Variants in SEMA5A observed in about 807,000 individuals in gnomAD.
The protein encoded by SEMA5A is semaphorin-5A.
A neutral mutation model predicts 135.5 loss-of-function variants in SEMA5A; 55 were observed. The observed-to-expected ratio is 0.41, with a 90% confidence interval of 0.33 to 0.51. SEMA5A has a LOEUF of 0.51. Among genes scored for constraint, SEMA5A ranks in the 20% least tolerant of loss-of-function variants. The probability of loss-of-function intolerance (pLI) is 0.37; values close to 1 mark genes in which losing one functional copy is unlikely to be tolerated. For synonymous variants in SEMA5A, 580 were observed against 546.5 expected (o/e 1.06, Z -0.85); for missense variants, 1,290 against 1,419.9 (o/e 0.91, Z 1.47).
intron 3 of SEMA5A, among the ~76,000 whole-genome samples, chr5:9,347,475 T>C (rs183007098): frequency 3.3e-5 from 5 of 152,338 alleles, no homozygotes; most frequent in Admixed American, 3.3e-4. Flanking sequence ...AGCTCCTTTT[T>C]ACTCGATGAG....
intron 9 of SEMA5A, among the ~76,000 whole-genome samples, chr5:9,197,671 C>T (rs1398415692): frequency 1.3e-5 from 2 of 151,292 alleles, no homozygotes; most frequent in African/African-American, 4.9e-5. Flanking sequence ...CAGCCTCATG[C>T]AGTTCCCTTC....
chr5:9,458,767 C>T (rs3822803), intron 1 of SEMA5A, among the ~76,000 whole-genome samples: 52 of 152,082 alleles, frequency 3.4e-4, no homozygotes, highest in African/African-American at 1.0e-3. Flanking sequence ...CCTCGGAACA[C>T]GTATGAGCAT....
chr5:9,083,074 C>T (rs959610144), intron 16 of SEMA5A, among the ~76,000 whole-genome samples: 38 of 152,094 alleles, frequency 2.5e-4, no homozygotes, highest in Non-Finnish European at 3.4e-4. Flanking sequence ...GTAGTAGAAA[C>T]ATTTATTTAA....
At chr5:9,480,962 T>C (rs1051042783) in intron 1 of SEMA5A, among the ~76,000 whole-genome samples, 1 of 152,106 alleles carries the variant, frequency 6.6e-6, no homozygotes, top group Non-Finnish European at 1.5e-5. Context: ...TTTGGTTTTT[T>C]TGAGATAGAG....
intron 1 of SEMA5A, among the ~76,000 whole-genome samples, chr5:9,533,935 C>T (rs1309417175): frequency 6.6e-6 from 1 of 152,100 alleles, no homozygotes; most frequent in African/African-American, 2.4e-5. Context: ...TCAAGCAAAA[C>T]CGCAAACCAG....
At chr5:9,199,770 T>C (rs1157519630) in intron 9 of SEMA5A, among the ~76,000 whole-genome samples, 1 of 152,224 alleles carries the variant, frequency 6.6e-6, no homozygotes, top group East Asian at 1.9e-4. Context: ...ACTACAATGG[T>C]AAGCCACCAT....
Position 9,291,257 on chromosome 5 carries a change from G to T in SEMA5A, c.270+27115C>A, listed in dbSNP as rs575085126. Among the ~76,000 whole-genome samples the T allele has an allele frequency of 4.7e-4, 71 of 152,276 alleles. No individual in the cohort carries two copies. In the Middle Eastern group the frequency reaches 0.014, roughly 29 times the overall value. On this transcript the variant is annotated intron_variant, in intron 5 of 22. Transcript: ENST00000382496. ...ACAAGTTCTGGATGCGGCAGATTTT[G>T]CACTTCGCGGATGGTCCCAGCAGCA...
intron 16 of SEMA5A, among the ~76,000 whole-genome samples, chr5:9,076,148 T>C (rs1342975253): frequency 7.3e-6 from 1 of 137,012 alleles, no homozygotes; most frequent in Non-Finnish European, 1.5e-5. Flanking sequence ...GAGATTGCAG[T>C]AAGCCGAGAT....
intron 5 of SEMA5A, among the ~76,000 whole-genome samples, chr5:9,312,251 G>A: frequency 6.6e-6 from 1 of 151,414 alleles, no homozygotes; most frequent in East Asian, 1.9e-4. Context: ...TATGACATGA[G>A]GTAAAAGAAA....
chr5:9,309,146 G>A (rs1383187342), intron 5 of SEMA5A, among the ~76,000 whole-genome samples: 3 of 152,088 alleles, frequency 2.0e-5, no homozygotes, highest in Non-Finnish European at 4.4e-5. Flanking sequence ...CTTCCTGGCT[G>A]TCCTCTCCAA....
At chr5:9,537,271 T>C (rs936595575) in intron 1 of SEMA5A, among the ~76,000 whole-genome samples, 5 of 152,240 alleles carry the variant, frequency 3.3e-5, no homozygotes, top group African/African-American at 1.2e-4. Flanking sequence ...TTAATCCTTC[T>C]GTTTCAAAAC....
chr5:9,293,126 T>A (rs770759459), intron 5 of SEMA5A, among the ~76,000 whole-genome samples: 1 of 152,206 alleles, frequency 6.6e-6, no homozygotes, highest in Non-Finnish European at 1.5e-5. Flanking sequence ...CTACCACTGT[T>A]CATTTTTCAG....
chr5:9,081,003 G>C (rs566780451), intron 16 of SEMA5A, among the ~76,000 whole-genome samples: 2 of 152,232 alleles, frequency 1.3e-5, no homozygotes, highest in South Asian at 4.1e-4. Context: ...CAACCTCCTC[G>C]TACCTTACTA....
At chr5:9,384,448 C>G (rs1240273689) in intron 2 of SEMA5A, among the ~76,000 whole-genome samples, 1 of 151,974 alleles carries the variant, frequency 6.6e-6, no homozygotes, top group Non-Finnish European at 1.5e-5. Flanking sequence ...GCTAGTAACA[C>G]CCCCTCCCAC....
chr5:9,454,244 AC>A (rs1175897092), intron 1 of SEMA5A, among the ~76,000 whole-genome samples: 1 of 152,202 alleles, frequency 6.6e-6, no homozygotes, highest in African/African-American at 2.4e-5. Flanking sequence ...GGGACTCTTT[AC>A]TGCTCTCATT....
At chr5:9,533,234 C>T (rs1348036944) in intron 1 of SEMA5A, among the ~76,000 whole-genome samples, 3 of 152,098 alleles carry the variant, frequency 2.0e-5, no homozygotes, top group African/African-American at 4.8e-5. Flanking sequence ...TAAAAATAGC[C>T]CAGCTACCCC....
chr5:9,400,748 C>T lies in SEMA5A; in HGVS notation c.-77-20725G>A, dbSNP rs1311720344. Reference sequence around the variant, plus strand: ...GTCTCGATCTCCTGACCTCGTGATCCGCCCGCCTCGGCCTCCCAAAACATT... The same window carrying T: ...GTCTCGATCTCCTGACCTCGTGATCTGCCCGCCTCGGCCTCCCAAAACATT... On this transcript the variant is annotated intron_variant, in intron 2 of 22. Coordinates refer to ENST00000382496, the MANE Select transcript of SEMA5A (RefSeq NM_003966.3). Among the ~76,000 whole-genome samples the T allele has an allele frequency of 3.7e-5, 2 of 54,260 alleles. 1 individual carries two copies. Among genetic ancestry groups the T allele is most frequent in the Non-Finnish European group, 7.4e-5 (2 of 27,090 alleles). The allele number at this position is 54,260 out of a possible 152,430, so 35.6% of individuals were successfully genotyped here. A position where few individuals can be genotyped will look rare whatever the true frequency, so the allele number is the denominator to read the frequency against.
At chr5:9,397,456 C>A (rs767943601) in intron 2 of SEMA5A, among the ~76,000 whole-genome samples, 4 of 152,088 alleles carry the variant, frequency 2.6e-5, no homozygotes, top group Non-Finnish European at 4.4e-5. Flanking sequence ...ATTTAATCAA[C>A]GTAAAACACT....
intron 12 of SEMA5A, among the ~76,000 whole-genome samples, chr5:9,145,554 T>C (rs1742282415): frequency 6.6e-6 from 1 of 151,902 alleles, no homozygotes; most frequent in Non-Finnish European, 1.5e-5. Flanking sequence ...TGGTGGCAGC[T>C]CAAGCTTTCC....
Sources: gnomAD v4.1 joint callset for allele counts (sites outside exome capture counted in the v4.1 genomes callset) on GRCh38, gnomAD v4.1.1 for gene constraint, MANE v1.5 for transcripts, NCBI Gene and HGNC (gene_info 2026-07-23, HGNC 2026-07-21) for gene names.